PTPRF: variants seen among roughly 807,000 people sequenced by gnomAD.
PTPRF encodes protein tyrosine phosphatase receptor type F.
Under a neutral mutation model 201.8 loss-of-function variants are expected in PTPRF, and 59 were observed. The ratio of observed to expected loss-of-function variants is 0.29; its 90% CI spans 0.24 to 0.36. The LOEUF (loss-of-function observed/expected upper bound fraction) is 0.36. PTPRF is among the 10% of genes least tolerant of loss of function. The probability of loss-of-function intolerance (pLI) is 1.00; values close to 1 mark genes in which losing one functional copy is unlikely to be tolerated. For missense variants in PTPRF, 2,132 were observed against 2,690.5 expected, an observed-to-expected ratio of 0.79 and a Z score of 4.59; for synonymous variants, 1,088 against 1,089.7, an observed-to-expected ratio of 1.00 and a Z score of 0.03.
chr1:43,603,320 C>CGGGGCACACAAGGCCA lies in PTPRF; in HGVS notation c.2341-91_2341-90insACACAAGGCCAGGGGC. On this transcript the variant is annotated intron_variant, in intron 14 of 33. Coordinates refer to ENST00000359947, the MANE Select transcript of PTPRF (RefSeq NM_002840.5). This position sits in a 1 kb window ranked among gnomAD's most constrained non-coding sequence, Gnocchi z 5.8. ...CCACAACCCCTGGCCTTGTGTGCCC[C>CGGGGCACACAAGGCCA]GGGGCTCCCCTCAGGCTAGGGTCCT... The CGGGGCACACAAGGCCA allele has an allele frequency of 9.0e-7, 1 of 1,105,068 alleles. No individual in the cohort carries two copies. Among genetic ancestry groups the CGGGGCACACAAGGCCA allele is most frequent in the Non-Finnish European group, 1.4e-6 (1 of 727,512 alleles). 68.5% of individuals were successfully genotyped at this position (1,105,068 alleles called of 1,614,324 possible). A position where few individuals can be genotyped will look rare whatever the true frequency, so the allele number is the denominator to read the frequency against.
chr1:43,564,116 G>GAAA (rs1205746390), intron 5 of PTPRF, among the ~76,000 whole-genome samples: 1 of 152,198 alleles, frequency 6.6e-6, no homozygotes, highest in Non-Finnish European at 1.5e-5. Flanking sequence ...TTTGCTCTTG[G>GAAA]AAAAACAGCT....
intron 11 of PTPRF, 22 bp from the exon 12 acceptor site, chr1:43,597,726 C>CCCCCCCCTTTTTCTTT: frequency 7.6e-7 from 1 of 1,318,474 alleles, no homozygotes; most frequent in Admixed American, 2.0e-5. Context: ...CTGCTTGCTT[C>CCCCCCCCTTTTTCTTT]CCCCCCATTT....
intron 6 of PTPRF, among the ~76,000 whole-genome samples, chr1:43,573,811 GCT>G (rs1204982306): frequency 6.6e-6 from 1 of 152,066 alleles, no homozygotes; most frequent in Non-Finnish European, 1.5e-5. Context: ...TTCTGGAAGA[GCT>G]GAGGCCAGGA....
At chr1:43,592,367 A>G in intron 10 of PTPRF, 90 bp from the exon 11 acceptor site, 2 of 1,488,584 alleles carry the variant, frequency 1.3e-6, no homozygotes. Flanking sequence ...TGGTGGGTCC[A>G]GAGGTGTCAC....
rs1557679693 is a variant in PTPRF at position 43,546,519 on chromosome 1, C to G, written c.91+1353C>G. ...GGTTGGCAGGAAGGTGAAGGCTTGT[C>G]CACGTGTGGTCAGTAGCTCTTGGAC... On this transcript the variant is annotated intron_variant, in intron 3 of 33. Coordinates refer to ENST00000359947, the MANE Select transcript of PTPRF (RefSeq NM_002840.5). This position sits in a 1 kb window ranked among gnomAD's most constrained non-coding sequence, Gnocchi z 4.2. Among the ~76,000 whole-genome samples, 1 of 152,078 alleles carries G rather than the reference C, an allele frequency of 6.6e-6. No homozygotes were observed. The highest frequency in any genetic ancestry group is 1.5e-5 in the Non-Finnish European group (1 of 67,996).
chr1:43,613,568 C>T, intron 22 of PTPRF, 50 bp from the exon 23 acceptor site: 1 of 1,478,782 alleles, frequency 6.8e-7, no homozygotes, highest in Non-Finnish European at 9.5e-7. Context: ...CTCTGCCACA[C>T]TGCTCAAGCC....
At chr1:43,573,715 C>A (rs1234225007) in intron 6 of PTPRF, among the ~76,000 whole-genome samples, 1 of 152,228 alleles carries the variant, frequency 6.6e-6, no homozygotes, top group African/African-American at 2.4e-5. Flanking sequence ...CCCCTTCAGT[C>A]CCCCACACCC....
At chr1:43,605,108 TGTGTATCC>T in intron 17 of PTPRF, 74 bp from the exon 18 acceptor site, 1 of 1,575,384 alleles carries the variant, frequency 6.3e-7, no homozygotes, top group African/African-American at 1.3e-5. Flanking sequence ...GGAATGTGGT[TGTGTATCC>T]GTGCACTGTG....
chr1:43,529,023 A>C (rs1643238052), upstream of PTPRF, among the ~76,000 whole-genome samples: 1 of 152,212 alleles, frequency 6.6e-6, no homozygotes, highest in South Asian at 2.1e-4. Context: ...AAGGAAAAGA[A>C]CTGTTTTAAT....
chr1:43,620,645 C>A, intron 31 of PTPRF, 66 bp downstream of exon 31: 1 of 1,583,056 alleles, frequency 6.3e-7, no homozygotes, highest in South Asian at 1.2e-5. Context: ...TGGCTGCCTG[C>A]ATGGTACCTT....
chr1:43,549,968 G>A (rs1247377519), intron 3 of PTPRF, among the ~76,000 whole-genome samples: 1 of 152,208 alleles, frequency 6.6e-6, no homozygotes, highest in Non-Finnish European at 1.5e-5. Flanking sequence ...CTGAGGAGAG[G>A]TGCGGTTAGA....
Position 43,538,288 on chromosome 1 carries a change from C to T in PTPRF, c.-46+11C>T, listed in dbSNP as rs1402009570. ...AGAAGCAAAGACTCGGTGAGTGTGC[C>T]CCACAGAGTGGCCAGGAGCAGGGGT... is the stretch of plus-strand genomic sequence containing the variant. On this transcript the variant is annotated intron_variant, in intron 2 of 33. Transcript: ENST00000359947. 5.0e-6 allele frequency: 2 copies of T among 398,628 alleles called. No individual in the cohort carries two copies. The highest frequency in any genetic ancestry group is 3.6e-5 in the East Asian group (1 of 28,072). The allele number at this position is 398,628 out of a possible 1,614,324, so 24.7% of individuals were successfully genotyped here.
In PTPRF at chr1:43,616,750, T is replaced by A. The variant is rs1178714983; in HGVS notation, c.4072-695T>A. 2.0e-5 allele frequency among the ~76,000 whole-genome samples: 3 copies of A among 152,146 alleles called. No individual in the cohort carries two copies. In the East Asian group the frequency reaches 5.8e-4, roughly 29 times the overall value. ...GTTGAAGGACCTCCCGGTGGAGGTG[T>A]CAGAGAGGCTGCTGGGTACTCGGGG... On this transcript the variant is annotated intron_variant, in intron 23 of 33. Transcript: ENST00000359947.
chr1:43,558,700 C>G (rs769549319), intron 5 of PTPRF, among the ~76,000 whole-genome samples: 1 of 152,208 alleles, frequency 6.6e-6, no homozygotes. Context: ...CCAACCCGCC[C>G]GCTGCCGCCA....
intron 13 of PTPRF, among the ~76,000 whole-genome samples, chr1:43,601,667 A>G (rs1007294479): frequency 1.3e-5 from 2 of 152,166 alleles, no homozygotes; most frequent in Non-Finnish European, 1.5e-5. Context: ...GCATATGGGC[A>G]CCCCATTCAC....
chr1:43,578,316 A>G (rs944597868), intron 6 of PTPRF, among the ~76,000 whole-genome samples: 1 of 152,174 alleles, frequency 6.6e-6, no homozygotes, highest in Non-Finnish European at 1.5e-5. Context: ...CCCCCAGGGC[A>G]AACCCATTCC....
chr1:43,547,581 A>G (rs1644760066), intron 3 of PTPRF, among the ~76,000 whole-genome samples: 1 of 152,244 alleles, frequency 6.6e-6, no homozygotes, highest in African/African-American at 2.4e-5. Flanking sequence ...GTGGCCATAC[A>G]CAGACAGGGC....
chr1:43,561,474 T>C (rs1318958620), intron 5 of PTPRF, among the ~76,000 whole-genome samples: 4 of 152,160 alleles, frequency 2.6e-5, no homozygotes, highest in Non-Finnish European at 4.4e-5. Flanking sequence ...ATTGTCTACA[T>C]GTGTGTCTGG....
rs1316424363 is a variant in PTPRF at position 43,604,129 on chromosome 1, A to C, written c.2977A>C (p.Ser993Arg). ...CGACATCAAGGTCCGCGCATGGACC[A>C]GCAAAGGCTCTGGCCCACTCAGCCC... is the stretch of plus-strand genomic sequence containing the variant. Reference protein sequence around the residue: ...TYDIKVRAWTSKGSGPLSPSI... With the variant: ...TYDIKVRAWTRKGSGPLSPSI... Residue 993 changes from serine to arginine, a missense_variant, in exon 16 of 34, where the codon AGC becomes CGC. Physicochemically the swap from Ser to Arg is moderately radical, Grantham distance 110. Around this residue, in one of 6 missense-constraint regions of PTPRF, gnomAD observed 818 missense variants for 915.3 expected, o/e 0.89. Transcript: ENST00000359947. 1 of 1,614,194 alleles carries C rather than the reference A, an allele frequency of 6.2e-7. No individual in the cohort carries two copies. Among genetic ancestry groups the C allele is most frequent in the Admixed American group, 1.7e-5 (1 of 60,034 alleles).
Sources: allele counts gnomAD v4.1 joint callset (sites outside exome capture counted in the v4.1 genomes callset), GRCh38; gene constraint gnomAD v4.1.1; regional missense constraint gnomAD v4.1.1; non-coding constraint Gnocchi (gnomAD v3.1); transcripts MANE v1.5; gene names NCBI Gene and HGNC (gene_info 2026-07-23, HGNC 2026-07-21).